Variants in PDE4D observed in about 807,000 individuals in gnomAD.
PDE4D encodes 3',5'-cyclic-AMP phosphodiesterase 4D.
Under a neutral mutation model 87.4 loss-of-function variants are expected in PDE4D, and 24 were observed. That is an observed-to-expected ratio of 0.27 (90% CI 0.20 to 0.39). The LOEUF (loss-of-function observed/expected upper bound fraction) is 0.39, where lower values mean the gene tolerates loss of function less well. PDE4D is among the 10% of genes least tolerant of loss of function. The pLI is 1.00. For missense variants in PDE4D, 714 were observed against 1,041.0 expected, an observed-to-expected ratio of 0.69 and a Z score of 4.32; for synonymous variants, 384 against 383.2, an observed-to-expected ratio of 1.00 and a Z score of -0.02.
At chr5:59,042,871 C>T (rs1421579267) in intron 5 of PDE4D, among the ~76,000 whole-genome samples, 1 of 152,162 alleles carries the variant, frequency 6.6e-6, no homozygotes, top group Non-Finnish European at 1.5e-5. Flanking sequence ...GTGCCAGGGG[C>T]TCCAGGAGAA....
At chr5:59,122,923 C>T (rs1580915806) in intron 5 of PDE4D, among the ~76,000 whole-genome samples, 1 of 152,206 alleles carries the variant, frequency 6.6e-6, no homozygotes, top group East Asian at 1.9e-4. Context: ...CCCACAATCA[C>T]TTAACTTAAA....
At chr5:60,324,044 A>C (rs77441158) in intron 1 of PDE4D, among the ~76,000 whole-genome samples, 4,265 of 152,220 alleles carry the variant, frequency 0.028, 177 homozygotes, top group African/African-American at 0.098. Flanking sequence ...CGTTTGATTA[A>C]GTAAATGCCT....
At chr5:60,154,614 T>C (rs1274196731) in intron 2 of PDE4D, among the ~76,000 whole-genome samples, 1 of 152,126 alleles carries the variant, frequency 6.6e-6, no homozygotes, top group African/African-American at 2.4e-5. Context: ...ATACAAAAAT[T>C]GCACGTAAGT....
At position 59,750,446 on chromosome 5, in the gene PDE4D, G is replaced by A. The variant is rs371720264; in HGVS notation, c.455+142722C>T. On this transcript the variant is annotated intron_variant, in intron 1 of 14. Coordinates refer to ENST00000340635, the MANE Select transcript of PDE4D (RefSeq NM_001104631.2). ...CTCAAATACGCCAACCACATTTGGC[G>A]TACTTGAAATCACAATGAAATGTAC... Among the ~76,000 whole-genome samples, 8 of 152,132 alleles carry A rather than the reference G, an allele frequency of 5.3e-5. No individual in the cohort carries two copies. The East Asian group carries it at 1.2e-3, about 22-fold the overall frequency.
intron 1 of PDE4D, among the ~76,000 whole-genome samples, chr5:59,419,304 T>C (rs1794114400): frequency 6.6e-6 from 1 of 152,220 alleles, no homozygotes; most frequent in African/African-American, 2.4e-5. Context: ...CGACTTTGAT[T>C]TTTTTGAAGG....
chr5:59,266,358 G>T (rs1239580786), intron 1 of PDE4D, among the ~76,000 whole-genome samples: 1 of 151,602 alleles, frequency 6.6e-6, no homozygotes, highest in African/African-American at 2.4e-5. Context: ...GACCCTACTT[G>T]ACTGGAAATG....
rs368553407 is a variant in PDE4D at position 60,047,286 on chromosome 5, T to C, written c.43-58569A>G. Among the ~76,000 whole-genome samples the C allele has an allele frequency of 8.1e-3, 1,227 of 152,178 alleles. 27 individuals are homozygous for C. Among genetic ancestry groups the C allele is most frequent in the East Asian group, 0.045 (231 of 5,170 alleles). Reference sequence around the variant, plus strand: ...TTTCTTTATTAGTCTTGCTAGCGGTTTATCAATTTTGTTGATCCTTTCAAA... The same window carrying C: ...TTTCTTTATTAGTCTTGCTAGCGGTCTATCAATTTTGTTGATCCTTTCAAA... On this transcript the variant is annotated intron_variant, in intron 2 of 16. Transcript: ENST00000502484.
At chr5:60,183,629 CTG>C (rs1784550334) in intron 2 of PDE4D, among the ~76,000 whole-genome samples, 1 of 152,302 alleles carries the variant, frequency 6.6e-6, no homozygotes, top group African/African-American at 2.4e-5. Context: ...GGAACAGAGA[CTG>C]TTTTAAATTT....
At chr5:59,747,961 C>A (rs903055709) in intron 1 of PDE4D, among the ~76,000 whole-genome samples, 1 of 152,194 alleles carries the variant, frequency 6.6e-6, no homozygotes, top group South Asian at 2.1e-4. Flanking sequence ...ACAACACACC[C>A]TTTGCCCATA....
At chr5:60,409,289 T>A (rs1245626810) in intron 1 of PDE4D, among the ~76,000 whole-genome samples, 1 of 151,232 alleles carries the variant, frequency 6.6e-6, no homozygotes, top group Non-Finnish European at 1.5e-5. Flanking sequence ...GGTGACAGAG[T>A]AGTAATTATT....
intron 1 of PDE4D, among the ~76,000 whole-genome samples, chr5:59,240,112 C>T (rs1757343488): frequency 1.3e-5 from 2 of 152,118 alleles, no homozygotes; most frequent in Admixed American, 1.3e-4. Context: ...TTAAAACTAA[C>T]AGCCATGACA....
intron 2 of PDE4D, among the ~76,000 whole-genome samples, chr5:60,001,053 G>A (rs144868825): frequency 6.6e-6 from 1 of 152,218 alleles, no homozygotes; most frequent in African/African-American, 2.4e-5. Flanking sequence ...CTCCCTGGAG[G>A]CAAGTCCTCT....
chr5:59,449,990 A>C (rs1798903769), intron 1 of PDE4D, among the ~76,000 whole-genome samples: 1 of 152,216 alleles, frequency 6.6e-6, no homozygotes, highest in Non-Finnish European at 1.5e-5. Context: ...GAAGCTGACT[A>C]GCAGAATTCA....
Position 59,886,802 on chromosome 5 carries a change from G to T in PDE4D, c.455+6366C>A, listed in dbSNP as rs1367766731. On this transcript the variant is annotated intron_variant, in intron 1 of 14. Transcript: ENST00000340635. ...GGGACAAAAGTTAGACTTTCTGCAA[G>T]AAAGACCGACTGGGCCAACATTCTG... 2.6e-5 allele frequency among the ~76,000 whole-genome samples: 4 copies of T among 152,014 alleles called. No individual in the cohort carries two copies. The East Asian group carries it at 7.7e-4, about 29-fold the overall frequency.
intron 1 of PDE4D, among the ~76,000 whole-genome samples, chr5:60,275,187 A>G (rs892477742): frequency 3.3e-5 from 5 of 152,184 alleles, no homozygotes; most frequent in Non-Finnish European, 7.3e-5. Flanking sequence ...CCCAGGCATC[A>G]GTATATTTTT....
chr5:59,725,760 G>C (rs988702144), intron 1 of PDE4D, among the ~76,000 whole-genome samples: 12 of 151,982 alleles, frequency 7.9e-5, no homozygotes, highest in African/African-American at 2.7e-4. Flanking sequence ...TTGGACTTAG[G>C]AAACAATTTG....
intron 1 of PDE4D, among the ~76,000 whole-genome samples, chr5:59,847,274 T>C (rs539785073): frequency 6.6e-6 from 1 of 152,196 alleles, no homozygotes; most frequent in East Asian, 1.9e-4. Context: ...ATTCCCATTG[T>C]ATCTCACACC....
intron 7 of PDE4D, among the ~76,000 whole-genome samples, chr5:58,992,343 C>A (rs2153342784): frequency 6.6e-6 from 1 of 152,284 alleles, no homozygotes; most frequent in Non-Finnish European, 1.5e-5. Context: ...CTGTTCAATT[C>A]CATTCCTTTG....
At chr5:60,124,905 A>G (rs1778996871) in intron 2 of PDE4D, among the ~76,000 whole-genome samples, 1 of 152,180 alleles carries the variant, frequency 6.6e-6, no homozygotes, top group African/African-American at 2.4e-5. Flanking sequence ...AGTAATCAGC[A>G]GCATTCACAA....
Sources: allele counts gnomAD v4.1 joint callset (sites outside exome capture counted in the v4.1 genomes callset), GRCh38; gene constraint gnomAD v4.1.1; transcripts MANE v1.5; gene names NCBI Gene and HGNC (gene_info 2026-07-23, HGNC 2026-07-21).